WWP2: variants seen among roughly 807,000 people sequenced by gnomAD.
WWP2 encodes the protein WW domain containing E3 ubiquitin protein ligase 2, also known as NEDD4-like E3 ubiquitin-protein ligase WWP2.
WWP2 carries 57 observed loss-of-function variants against 121.0 expected under a neutral mutation model. The observed-to-expected ratio is 0.47, with a 90% CI of 0.38 to 0.59. The LOEUF (loss-of-function observed/expected upper bound fraction) is 0.59, where lower values mean the gene tolerates loss of function less well. WWP2 is among the 20% of genes least tolerant of loss of function. The pLI is 0.00. For synonymous variants in WWP2, 449 were observed against 441.3 expected (o/e 1.02, Z -0.22); for missense variants, 962 against 1,158.9 (o/e 0.83, Z 2.47).
chr16:69,840,328 G>A (rs748898465), intron 5 of WWP2, 65 bp downstream of exon 5: 136 of 1,601,830 alleles, frequency 8.5e-5, no homozygotes, highest in Non-Finnish European at 1.1e-4. Context: ...GGGCCAGGAG[G>A]TGCTGAGAGC....
At chr16:69,765,562 G>A (rs1597628869) in intron 1 of WWP2, among the ~76,000 whole-genome samples, 1 of 152,162 alleles carries the variant, frequency 6.6e-6, no homozygotes, top group Middle Eastern at 3.2e-3. Flanking sequence ...GGTGGCTCAC[G>A]CCTGTAATTC....
At chr16:69,763,437 A>G (rs570805131) in intron 1 of WWP2, among the ~76,000 whole-genome samples, 5 of 152,206 alleles carry the variant, frequency 3.3e-5, no homozygotes, top group Non-Finnish European at 7.3e-5. Context: ...AAGGAGTTTC[A>G]TGAGTGCAGT....
At chr16:69,768,297 A>G (rs1206671114) in intron 1 of WWP2, among the ~76,000 whole-genome samples, 1 of 152,216 alleles carries the variant, frequency 6.6e-6, no homozygotes, top group East Asian at 1.9e-4. Context: ...TTAAATCATT[A>G]CTACTAATAA....
chr16:69,930,096 C>T, intron 12 of WWP2, 34 bp from the exon 13 acceptor site: 3 of 1,613,456 alleles, frequency 1.9e-6, no homozygotes, highest in South Asian at 2.2e-5. Flanking sequence ...GAAGGTGGGG[C>T]CAGCCCTTCA....
intron 8 of WWP2, among the ~76,000 whole-genome samples, chr16:69,898,027 C>CTTTTTTTTTTTTTTTTTTTT (rs369977148): frequency 7.8e-6 from 1 of 128,136 alleles, no homozygotes; most frequent in African/African-American, 2.9e-5. Flanking sequence ...TTCTTTCTTT[C>CTTTTTTTTTTTTTTTTTTTT]TTTTTTTTTT....
intron 7 of WWP2, among the ~76,000 whole-genome samples, chr16:69,882,435 T>C (rs2057847853): frequency 1.3e-5 from 2 of 152,248 alleles, no homozygotes; most frequent in Non-Finnish European, 2.9e-5. Flanking sequence ...GAATAAGTAT[T>C]TCTTGAACAA....
chr16:69,899,931 C>T (rs368093004), intron 8 of WWP2, among the ~76,000 whole-genome samples: 1 of 152,002 alleles, frequency 6.6e-6, no homozygotes, highest in African/African-American at 2.4e-5. Flanking sequence ...GCCTTTTCTA[C>T]CCAATATATT....
chr16:69,803,262 A>T (rs1449248328), intron 4 of WWP2, among the ~76,000 whole-genome samples: 1 of 152,074 alleles, frequency 6.6e-6, no homozygotes, highest in Admixed American at 6.6e-5. Context: ...ACGTCCTGAC[A>T]TTTTATCCTA....
chr16:69,838,554 C>A (rs959752744), intron 4 of WWP2, among the ~76,000 whole-genome samples: 1 of 152,028 alleles, frequency 6.6e-6, no homozygotes, highest in Non-Finnish European at 1.5e-5. Context: ...GGATCTCTCC[C>A]GAGGCTGCAT....
Position 69,888,040 on chromosome 16 carries a change from G to C in WWP2, c.705G>C (p.Val235=). 1 of 1,614,090 alleles carries C rather than the reference G, an allele frequency of 6.2e-7. No homozygotes were observed. Among genetic ancestry groups the C allele is most frequent in the South Asian group, 1.1e-5 (1 of 91,068 alleles). The change falls in exon 8 of 24, where the codon GTG becomes GTC. Residue 235 remains valine, a splice_region_variant and synonymous_variant. Transcript: ENST00000359154. ...AAAGTATGATTTGTGCATCTTCAGT[G>C]AATGATGAACCCACAACAGCCACTG... ...SGHSGLANGT[V]NDEPTTATDP...
At chr16:69,838,269 T>C (rs1402794840) in intron 4 of WWP2, among the ~76,000 whole-genome samples, 15 of 151,960 alleles carry the variant, frequency 9.9e-5, no homozygotes, top group Non-Finnish European at 1.8e-4. Context: ...GTAGGGAGAC[T>C]GATGCTCAGG....
chr16:69,772,479 G>T (rs2055437942), intron 1 of WWP2, among the ~76,000 whole-genome samples: 1 of 152,152 alleles, frequency 6.6e-6, no homozygotes, highest in African/African-American at 2.4e-5. Context: ...GCTGGTAGTA[G>T]AAGAAAACAG....
At chr16:69,789,056 T>G (rs1271107619) in intron 2 of WWP2, among the ~76,000 whole-genome samples, 3 of 152,120 alleles carry the variant, frequency 2.0e-5, no homozygotes. Context: ...TAGTTTTTAA[T>G]TTTATTATTA....
intron 2 of WWP2, among the ~76,000 whole-genome samples, chr16:69,796,823 A>AT (rs1597682194): frequency 6.6e-6 from 1 of 152,188 alleles, no homozygotes; most frequent in African/African-American, 2.4e-5. Flanking sequence ...GCCACAGCTG[A>AT]TTTTTTATCT....
intron 6 of WWP2, among the ~76,000 whole-genome samples, chr16:69,857,912 T>C (rs940751229): frequency 1.3e-5 from 2 of 152,062 alleles, no homozygotes; most frequent in African/African-American, 4.8e-5. Flanking sequence ...CCTCCCAAAG[T>C]GTTGGGATTA....
At chr16:69,876,625 A>C (rs2151923293) in intron 7 of WWP2, among the ~76,000 whole-genome samples, 1 of 152,306 alleles carries the variant, frequency 6.6e-6, no homozygotes, top group African/African-American at 2.4e-5. Context: ...TGGCCTCCCA[A>C]AGTGCTGAGA....
At chr16:69,811,012 C>T (rs1464604881) in intron 4 of WWP2, among the ~76,000 whole-genome samples, 3 of 152,146 alleles carry the variant, frequency 2.0e-5, no homozygotes, top group Non-Finnish European at 2.9e-5. Flanking sequence ...GCCTTGGCCT[C>T]CCAAAGTGCT....
chr16:69,795,658 T>TTG (rs1555546610), intron 2 of WWP2, among the ~76,000 whole-genome samples: 1 of 131,234 alleles, frequency 7.6e-6, no homozygotes, highest in Admixed American at 7.9e-5. Flanking sequence ...GGTTTTTTTT[T>TTG]TTTTTTTTTT....
At chr16:69,780,273 CT>C (rs1397492580) in intron 1 of WWP2, among the ~76,000 whole-genome samples, 1 of 150,686 alleles carries the variant, frequency 6.6e-6, no homozygotes, top group East Asian at 1.9e-4. Context: ...TTTTTTTCCC[CT>C]CTTGGCATTA....
Sources: allele counts gnomAD v4.1 joint callset (sites outside exome capture counted in the v4.1 genomes callset), GRCh38; gene constraint gnomAD v4.1.1; transcripts MANE v1.5; gene names NCBI Gene and HGNC (gene_info 2026-07-23, HGNC 2026-07-21).